Variants in SYT1 observed in about 807,000 individuals in gnomAD.
SYT1 encodes the protein synaptotagmin 1, also known as synaptotagmin-1.
In SYT1, 8 loss-of-function variants were observed where a neutral mutation model predicts 44.8. That is an observed-to-expected ratio of 0.18 (90% confidence interval 0.10 to 0.32). SYT1 has a LOEUF of 0.32. SYT1 is among the 10% of genes least tolerant of loss of function. SYT1 has a pLI of 1.00. For synonymous variants in SYT1, 154 were observed against 188.8 expected, an observed-to-expected ratio of 0.82 and a Z score of 1.51; for missense variants, 286 against 509.3, an observed-to-expected ratio of 0.56 and a Z score of 4.22.
At chr12:79,131,220 G>T (rs1046522425) in intron 3 of SYT1, among the ~76,000 whole-genome samples, 2 of 151,880 alleles carry the variant, frequency 1.3e-5, no homozygotes, top group Admixed American at 1.3e-4. Flanking sequence ...TGCCATGGTG[G>T]TTTGCTGCAC....
chr12:78,919,174 G>T (rs1470000692), intron 1 of SYT1, among the ~76,000 whole-genome samples: 1 of 152,004 alleles, frequency 6.6e-6, no homozygotes, highest in Middle Eastern at 3.4e-3. Flanking sequence ...TGTAATGAAA[G>T]TCTGTGTAAT....
chr12:79,147,051 G>C (rs1356421258), intron 3 of SYT1, among the ~76,000 whole-genome samples: 3 of 152,122 alleles, frequency 2.0e-5, no homozygotes, highest in Admixed American at 6.5e-5. Flanking sequence ...ATATTGGCCA[G>C]GCTGGTCTCG....
intron 8 of SYT1, among the ~76,000 whole-genome samples, chr12:79,329,206 T>C (rs1327376340): frequency 6.6e-6 from 1 of 152,130 alleles, no homozygotes; most frequent in Non-Finnish European, 1.5e-5. Flanking sequence ...TAAGCAACCC[T>C]GCAGAAGGAG....
rs1390595400 is a variant in SYT1 at position 78,876,896 on chromosome 12, ATT to A, written c.-217+11788_-217+11789del. On this transcript the variant is annotated intron_variant, in intron 1 of 10. Coordinates refer to ENST00000261205, the MANE Select transcript of SYT1 (RefSeq NM_005639.3). ...ATTATATGTATTATATATAATATAT[ATT>A]ATATATTATATGTATTATATATAAT... Among the ~76,000 whole-genome samples the A allele has an allele frequency of 4.6e-4, 21 of 45,688 alleles. 1 individual carries two copies. The highest frequency in any genetic ancestry group is 1.7e-3 in the African/African-American group (12 of 7,090). The allele number at this position is 45,688 out of a possible 152,430, so 30.0% of individuals were successfully genotyped here. A position where few individuals can be genotyped will look rare whatever the true frequency, so the allele number is the denominator to read the frequency against.
chr12:79,391,036 C>T (rs540112266), intron 9 of SYT1, among the ~76,000 whole-genome samples: 214 of 152,294 alleles, frequency 1.4e-3, no homozygotes, highest in Non-Finnish European at 2.2e-3. Flanking sequence ...AACTAACTGC[C>T]TGCAAGGTGA....
At chr12:78,936,182 T>C (rs553124053) in intron 1 of SYT1, among the ~76,000 whole-genome samples, 3 of 152,214 alleles carry the variant, frequency 2.0e-5, no homozygotes, top group African/African-American at 7.2e-5. Flanking sequence ...AAAGGAACAA[T>C]TTCAGTGTAG....
intron 1 of SYT1, among the ~76,000 whole-genome samples, chr12:78,881,435 C>T (rs927311366): frequency 9.9e-5 from 15 of 151,704 alleles, no homozygotes; most frequent in African/African-American, 2.2e-4. Context: ...GTTTTGAACT[C>T]GCTGGGTTTA....
intron 3 of SYT1, among the ~76,000 whole-genome samples, chr12:79,120,431 A>AT (rs1879532722): frequency 6.6e-6 from 1 of 152,138 alleles, no homozygotes; most frequent in Non-Finnish European, 1.5e-5. Flanking sequence ...ATTTAAAAAA[A>AT]ATATATAAAA....
intron 8 of SYT1, among the ~76,000 whole-genome samples, chr12:79,344,110 A>C (rs1295611823): frequency 6.6e-6 from 1 of 152,192 alleles, no homozygotes; most frequent in East Asian, 1.9e-4. Context: ...TTATAAAGAC[A>C]AGGAAGGTGG....
At chr12:79,184,226 C>G (rs1026992107) in intron 3 of SYT1, among the ~76,000 whole-genome samples, 4 of 151,902 alleles carry the variant, frequency 2.6e-5, no homozygotes, top group Admixed American at 1.3e-4. Context: ...CCAGAATTCA[C>G]TCATGTTTTC....
chr12:79,074,218 G>A (rs1481906828), intron 3 of SYT1, among the ~76,000 whole-genome samples: 1 of 152,046 alleles, frequency 6.6e-6, no homozygotes, highest in African/African-American at 2.4e-5. Context: ...CTCATCTTTT[G>A]TTTTGAAAAT....
intron 1 of SYT1, among the ~76,000 whole-genome samples, chr12:78,919,976 C>T (rs1876886460): frequency 6.6e-6 from 1 of 151,622 alleles, no homozygotes; most frequent in Non-Finnish European, 1.5e-5. Flanking sequence ...TTGCCAGCCT[C>T]AGACACCATA....
At chr12:79,173,006 A>AAAAAAAGG (rs1871633460) in intron 3 of SYT1, among the ~76,000 whole-genome samples, 1 of 137,358 alleles carries the variant, frequency 7.3e-6, no homozygotes, top group East Asian at 2.0e-4. Context: ...AAAAAAAAAA[A>AAAAAAAGG]GGGAGTTTGG....
In SYT1 at chr12:78,943,968, C is replaced by T. The variant is rs191945849; in HGVS notation, c.-216-33831C>T. 1.3e-3 allele frequency among the ~76,000 whole-genome samples: 202 copies of T among 152,258 alleles called. 2 individuals carry two copies. Among genetic ancestry groups the T allele is most frequent in the African/African-American group, 4.6e-3 (193 of 41,568 alleles). ...TCCTGTTGAATTAGTTGCATATTATCACTAATTTTGCATAATTATATGTGT... is the reference window on the plus strand; with the variant it reads ...TCCTGTTGAATTAGTTGCATATTATTACTAATTTTGCATAATTATATGTGT... On this transcript the variant is annotated intron_variant, in intron 1 of 10. Transcript: ENST00000261205.
At chr12:79,419,125 A>T (rs966920690) in intron 9 of SYT1, 7 of 379,082 alleles carry the variant, frequency 1.8e-5, no homozygotes, top group Non-Finnish European at 3.7e-5. Context: ...GCAAAACGAA[A>T]CCAATAGAAA....
intron 3 of SYT1, among the ~76,000 whole-genome samples, chr12:79,141,441 T>C (rs998031212): frequency 6.6e-6 from 1 of 152,136 alleles, no homozygotes; most frequent in South Asian, 2.1e-4. Flanking sequence ...GACATGCTGG[T>C]TTAACTAAAA....
chr12:79,191,518 T>A (rs182462490), intron 3 of SYT1, among the ~76,000 whole-genome samples: 48 of 152,324 alleles, frequency 3.2e-4, no homozygotes, highest in African/African-American at 1.2e-3. Flanking sequence ...AATTACACTA[T>A]GACATCCTGT....
intron 3 of SYT1, among the ~76,000 whole-genome samples, chr12:79,186,046 C>T (rs994163893): frequency 1.3e-5 from 2 of 151,942 alleles, no homozygotes; most frequent in African/African-American, 4.8e-5. Flanking sequence ...TTTCCCCTGA[C>T]ACCAAAGGAT....
chr12:79,295,659 C>A (rs1425498110), intron 6 of SYT1, among the ~76,000 whole-genome samples: 1 of 152,088 alleles, frequency 6.6e-6, no homozygotes, highest in East Asian at 1.9e-4. Context: ...TAAAAGTTTC[C>A]CACTTTGTAA....
Sources: allele counts gnomAD v4.1 joint callset (sites outside exome capture counted in the v4.1 genomes callset), GRCh38; gene constraint gnomAD v4.1.1; transcripts MANE v1.5; gene names NCBI Gene and HGNC (gene_info 2026-07-23, HGNC 2026-07-21).